Variants in COX7B2 observed in about 807,000 individuals in gnomAD.
The protein encoded by COX7B2 is cytochrome c oxidase subunit 7B2, mitochondrial.
For synonymous variants in COX7B2, 37 were observed against 32.1 expected (o/e 1.15, Z -0.51); for missense variants, 109 against 95.9 (o/e 1.14, Z -0.57).
intron 2 of COX7B2, among the ~76,000 whole-genome samples, chr4:46,794,143 AC>A (rs1168178422): frequency 3.9e-5 from 6 of 152,232 alleles, no homozygotes; most frequent in African/African-American, 1.4e-4. Flanking sequence ...CTCTGAAACA[AC>A]TACTTGAGTT....
chr4:46,831,470 G>A (rs1265881307), intron 2 of COX7B2, among the ~76,000 whole-genome samples: 1 of 152,198 alleles, frequency 6.6e-6, no homozygotes, highest in Non-Finnish European at 1.5e-5. Flanking sequence ...CTCCACCTGT[G>A]GCCCCAGTGC....
chr4:46,864,801 C>T (rs1374039624), intron 1 of COX7B2, among the ~76,000 whole-genome samples: 1 of 152,068 alleles, frequency 6.6e-6, no homozygotes, highest in Non-Finnish European at 1.5e-5. Context: ...CCGGCCACCA[C>T]GCCCGGCTAA....
chr4:46,862,578 G>A (rs562979915), intron 1 of COX7B2, among the ~76,000 whole-genome samples: 102 of 152,184 alleles, frequency 6.7e-4, no homozygotes, highest in African/African-American at 2.2e-3. Flanking sequence ...TAAAATTATG[G>A]ATAAAAATAG....
chr4:46,780,581 T>A (rs1717395876), intron 2 of COX7B2, among the ~76,000 whole-genome samples: 1 of 152,212 alleles, frequency 6.6e-6, no homozygotes, highest in Admixed American at 6.5e-5. Context: ...ACAGATAGAA[T>A]GATAAAGGTA....
At chr4:46,835,040 A>G (rs1279937453) in intron 2 of COX7B2, among the ~76,000 whole-genome samples, 1 of 152,188 alleles carries the variant, frequency 6.6e-6, no homozygotes, top group African/African-American at 2.4e-5. Context: ...TTTCAATCAT[A>G]ATAAGAGAAA....
chr4:46,780,803 A>G (rs1466159505), intron 2 of COX7B2, among the ~76,000 whole-genome samples: 1 of 152,204 alleles, frequency 6.6e-6, no homozygotes, highest in Non-Finnish European at 1.5e-5. Context: ...TATAGATTAT[A>G]CCATCAGTAA....
chr4:46,835,192 C>T (rs1218318216), intron 2 of COX7B2, among the ~76,000 whole-genome samples: 4 of 152,036 alleles, frequency 2.6e-5, no homozygotes, highest in African/African-American at 4.8e-5. Context: ...GACAGCATGA[C>T]ATAAAGGACA....
chr4:46,879,288 G>C (rs1034620195), intron 1 of COX7B2, among the ~76,000 whole-genome samples: 1 of 151,864 alleles, frequency 6.6e-6, no homozygotes, highest in Non-Finnish European at 1.5e-5. Flanking sequence ...TAACCAGTAA[G>C]TCCTACTTAT....
At chr4:46,752,408 A>G (rs1406666757) in intron 2 of COX7B2, among the ~76,000 whole-genome samples, 1 of 152,026 alleles carries the variant, frequency 6.6e-6, no homozygotes, top group Non-Finnish European at 1.5e-5. Context: ...AATACTCTTT[A>G]TTTCTTTCTC....
intron 2 of COX7B2, among the ~76,000 whole-genome samples, chr4:46,787,238 G>A (rs530671715): frequency 1.3e-5 from 2 of 152,102 alleles, no homozygotes; most frequent in African/African-American, 4.8e-5. Context: ...ACCTAAGGTC[G>A]GGAGTTTGAG....
intron 2 of COX7B2, among the ~76,000 whole-genome samples, chr4:46,745,121 A>G (rs1044421160): frequency 2.0e-5 from 3 of 152,200 alleles, no homozygotes; most frequent in Non-Finnish European, 4.4e-5. Flanking sequence ...TCAAGCCAGT[A>G]AGGGTCCAGT....
At chr4:46,785,619 C>A (rs1032523205) in intron 2 of COX7B2, among the ~76,000 whole-genome samples, 1 of 152,302 alleles carries the variant, frequency 6.6e-6, no homozygotes, top group South Asian at 2.1e-4. Flanking sequence ...ATCATTCATA[C>A]GTGTAAAGCC....
chr4:46,885,202 TTATAA>T (rs1405430368), intron 1 of COX7B2, among the ~76,000 whole-genome samples: 6 of 152,078 alleles, frequency 3.9e-5, no homozygotes, highest in Non-Finnish European at 7.4e-5. Flanking sequence ...TTATTGAAAA[TTATAA>T]TATATAAGGC....
intron 2 of COX7B2, among the ~76,000 whole-genome samples, chr4:46,783,724 T>C (rs975078856): frequency 6.6e-6 from 1 of 151,684 alleles, no homozygotes; most frequent in Non-Finnish European, 1.5e-5. Flanking sequence ...AAAGTCAAAC[T>C]AGCTTAAACA....
intron 2 of COX7B2, among the ~76,000 whole-genome samples, chr4:46,757,539 A>G (rs12503991): frequency 0.32 from 48,048 of 151,932 alleles, 7,933 homozygotes; most frequent in South Asian, 0.47. Flanking sequence ...TTGCAAGCCA[A>G]AGATCTTTAC....
At chr4:46,894,869 T>C (rs1560442329) in intron 1 of COX7B2, among the ~76,000 whole-genome samples, 1 of 151,982 alleles carries the variant, frequency 6.6e-6, no homozygotes, top group African/African-American at 2.4e-5. Flanking sequence ...ATCCAAGAAG[T>C]ATGTGAAAGA....
At chr4:46,894,895 G>T (rs1205324740) in intron 1 of COX7B2, among the ~76,000 whole-genome samples, 1 of 152,172 alleles carries the variant, frequency 6.6e-6, no homozygotes, top group Non-Finnish European at 1.5e-5. Flanking sequence ...GCATATCAGT[G>T]ATCATTAGAG....
intron 1 of COX7B2, among the ~76,000 whole-genome samples, chr4:46,864,215 C>T (rs1040824576): frequency 1.3e-5 from 2 of 152,208 alleles, no homozygotes; most frequent in African/African-American, 4.8e-5. Context: ...AGTATCCCCA[C>T]TGCCATTAAG....
chr4:46,793,591 C>T (rs1405629472), intron 2 of COX7B2, among the ~76,000 whole-genome samples: 3 of 152,130 alleles, frequency 2.0e-5, no homozygotes, highest in Non-Finnish European at 4.4e-5. Flanking sequence ...GATGAGCTCA[C>T]GGATTCAGAT....
Sources: gnomAD v4.1 joint callset for allele counts (sites outside exome capture counted in the v4.1 genomes callset) on GRCh38, gnomAD v4.1.1 for gene constraint, MANE v1.5 for transcripts, NCBI Gene and HGNC (gene_info 2026-07-23, HGNC 2026-07-21) for gene names.